The following RAD51B variants were observed in gnomAD, a reference collection of about 807,000 sequenced individuals.
The protein encoded by RAD51B is RAD51 paralog B.
Under a neutral mutation model 42.2 loss-of-function variants are expected in RAD51B, and 38 were observed. The ratio of observed to expected loss-of-function variants is 0.90; its 90% CI spans 0.70 to 1.18. The LOEUF (loss-of-function observed/expected upper bound fraction) is 1.18, where lower values mean the gene tolerates loss of function less well. Among genes scored for constraint, RAD51B ranks in the 50% most tolerant of loss-of-function variants. RAD51B has a pLI of 0.00. For synonymous variants in RAD51B, 154 were observed against 145.2 expected, an observed-to-expected ratio of 1.06 and a Z score of -0.43; for missense variants, 373 against 400.7, an observed-to-expected ratio of 0.93 and a Z score of 0.59.
chr14:68,426,429 A>C (rs1480173097), intron 9 of RAD51B, among the ~76,000 whole-genome samples: 1 of 152,166 alleles, frequency 6.6e-6, no homozygotes, highest in Non-Finnish European at 1.5e-5. Context: ...ATCTTATTGG[A>C]AACTGAAGTA....
At chr14:68,588,094 G>A (rs1890575487) in intron 10 of RAD51B, among the ~76,000 whole-genome samples, 1 of 152,194 alleles carries the variant, frequency 6.6e-6, no homozygotes, top group Non-Finnish European at 1.5e-5. Flanking sequence ...GCAGAGTGGA[G>A]CACAGGAAAG....
intron 8 of RAD51B, among the ~76,000 whole-genome samples, chr14:68,338,034 C>T (rs1460972343): frequency 6.6e-6 from 1 of 152,088 alleles, no homozygotes; most frequent in Non-Finnish European, 1.5e-5. Flanking sequence ...TCAAGCAATC[C>T]TCCTGCCTCA....
chr14:68,461,732 G>A (rs1303866531), intron 9 of RAD51B, among the ~76,000 whole-genome samples: 3 of 152,190 alleles, frequency 2.0e-5, no homozygotes, highest in African/African-American at 7.2e-5. Context: ...AGGTTTACCA[G>A]CCCTCACTTT....
At chr14:68,257,073 A>G (rs1188620806) in intron 7 of RAD51B, among the ~76,000 whole-genome samples, 1 of 152,238 alleles carries the variant, frequency 6.6e-6, no homozygotes, top group African/African-American at 2.4e-5. Flanking sequence ...GGACTTTGAA[A>G]ACATGCTGAG....
chr14:67,870,028 T>C, intron 5 of RAD51B, among the ~76,000 whole-genome samples: 3 of 150,520 alleles, frequency 2.0e-5, no homozygotes, highest in African/African-American at 4.9e-5. Context: ...CTGCATCAAC[T>C]AATGAGCAAA....
intron 8 of RAD51B, among the ~76,000 whole-genome samples, chr14:68,335,132 A>G (rs1403935521): frequency 6.6e-6 from 1 of 150,432 alleles, no homozygotes; most frequent in Non-Finnish European, 1.5e-5. Flanking sequence ...CCACATCTCT[A>G]CTAAAAATAC....
chr14:67,949,269 A>G (rs2074397096), intron 7 of RAD51B, among the ~76,000 whole-genome samples: 1 of 152,246 alleles, frequency 6.6e-6, no homozygotes, highest in Non-Finnish European at 1.5e-5. Flanking sequence ...TATTGGGATC[A>G]GTCCTCTGAA....
chr14:68,249,921 C>T lies in RAD51B; in HGVS notation c.757-41963C>T, dbSNP rs545545093. On this transcript the variant is annotated intron_variant, in intron 7 of 10. Coordinates refer to ENST00000471583, the MANE Select transcript of RAD51B (RefSeq NM_133510.4). Reference sequence around the variant, plus strand: ...ACCAAGGATATTAATCTCAGGCCACCGCCATAGTGAGGCTTTGAAGCCAGG... The same window carrying T: ...ACCAAGGATATTAATCTCAGGCCACTGCCATAGTGAGGCTTTGAAGCCAGG... Among the ~76,000 whole-genome samples the T allele has an allele frequency of 6.6e-4, 101 of 152,306 alleles. 1 individual carries two copies. Among genetic ancestry groups the T allele is most frequent in the African/African-American group, 2.4e-3 (99 of 41,562 alleles).
rs148122193 is a variant in RAD51B, at chr14:68,405,312, C to T, written c.854-6112C>T. Reference sequence around the variant, plus strand: ...AAAATAAGTTAGCCAATCATTGTGGCATGTGCCTGTGGTCCCAGCTACTCG... The same window carrying T: ...AAAATAAGTTAGCCAATCATTGTGGTATGTGCCTGTGGTCCCAGCTACTCG... On this transcript the variant is annotated intron_variant, in intron 8 of 10. Transcript: ENST00000471583. Among the ~76,000 whole-genome samples the T allele has an allele frequency of 1.4e-3, 212 of 152,236 alleles. 5 individuals carry two copies. The highest frequency in any genetic ancestry group is 4.9e-3 in the African/African-American group (205 of 41,536).
At chr14:68,041,386 G>A (rs1310484042) in intron 7 of RAD51B, among the ~76,000 whole-genome samples, 3 of 152,100 alleles carry the variant, frequency 2.0e-5, no homozygotes, top group Non-Finnish European at 4.4e-5. Flanking sequence ...TTTTCTTCAT[G>A]CCATGCTATT....
At chr14:68,605,363 C>T (rs564070232) in intron 10 of RAD51B, among the ~76,000 whole-genome samples, 5 of 152,350 alleles carry the variant, frequency 3.3e-5, no homozygotes, top group Non-Finnish European at 5.9e-5. Context: ...GGGTGCTCAT[C>T]GCAGATGGAA....
At chr14:68,561,808 A>C (rs1889164104) in intron 10 of RAD51B, among the ~76,000 whole-genome samples, 1 of 152,208 alleles carries the variant, frequency 6.6e-6, no homozygotes, top group African/African-American at 2.4e-5. Context: ...TTGGTGAATG[A>C]ACATACCGGC....
At chr14:68,430,619 A>C (rs1020872365) in intron 9 of RAD51B, among the ~76,000 whole-genome samples, 11 of 152,200 alleles carry the variant, frequency 7.2e-5, no homozygotes, top group Non-Finnish European at 1.6e-4. Flanking sequence ...ACTTTGCTGA[A>C]GTTGCTTATC....
chr14:68,646,064 CT>C (rs146646503), intron 10 of RAD51B, among the ~76,000 whole-genome samples: 18,183 of 148,602 alleles, frequency 0.12, 1,108 homozygotes, highest in Non-Finnish European at 0.13. Context: ...TGCTAGGCAT[CT>C]TTTTTTTTTT....
chr14:68,343,826 C>T (rs1262887000), intron 8 of RAD51B, among the ~76,000 whole-genome samples: 7 of 152,282 alleles, frequency 4.6e-5, no homozygotes, highest in African/African-American at 1.7e-4. Flanking sequence ...GCTGCTTCAG[C>T]TCCATCTCCA....
chr14:68,434,385 G>A (rs991307119), intron 9 of RAD51B, among the ~76,000 whole-genome samples: 8 of 152,062 alleles, frequency 5.3e-5, no homozygotes. Flanking sequence ...GCTGCTGTGG[G>A]CTCCACCCAG....
Position 68,551,042 on chromosome 14 carries a change from A to G in RAD51B, c.1037-43443A>G, listed in dbSNP as rs118087861. On this transcript the variant is annotated intron_variant, in intron 10 of 10. Coordinates refer to the RAD51B transcript ENST00000487270. Reference sequence around the variant, plus strand: ...ATTATCTTCCCTATATAAAATTCCCATGATCCCCCAGGCAGTCAGTTTTAA... The same window carrying G: ...ATTATCTTCCCTATATAAAATTCCCGTGATCCCCCAGGCAGTCAGTTTTAA... 1.1e-3 allele frequency among the ~76,000 whole-genome samples: 162 copies of G among 152,198 alleles called. 4 individuals carry two copies. The East Asian group carries it at 0.029, about 27-fold the overall frequency.
At chr14:68,430,933 C>CCATCAA (rs1482000522) in intron 9 of RAD51B, among the ~76,000 whole-genome samples, 1 of 152,090 alleles carries the variant, frequency 6.6e-6, no homozygotes, top group Non-Finnish European at 1.5e-5. Context: ...CCATCAATAC[C>CCATCAA]TAATTTATTG....
intron 7 of RAD51B, among the ~76,000 whole-genome samples, chr14:68,173,820 A>G (rs1268846797): frequency 1.3e-5 from 2 of 152,218 alleles, no homozygotes; most frequent in Non-Finnish European, 2.9e-5. Flanking sequence ...TAAGATGAGT[A>G]AAAGTCTTAA....
Sources: allele counts gnomAD v4.1 joint callset (sites outside exome capture counted in the v4.1 genomes callset), GRCh38; gene constraint gnomAD v4.1.1; transcripts MANE v1.5; gene names NCBI Gene and HGNC (gene_info 2026-07-23, HGNC 2026-07-21).